Variants in RNF157 observed in about 807,000 individuals in gnomAD.
RNF157 encodes ring finger protein 157, also known as E3 ubiquitin ligase RNF157.
A neutral mutation model predicts 88.3 loss-of-function variants in RNF157; 55 were observed. The ratio of observed to expected loss-of-function variants is 0.62; its 90% CI spans 0.50 to 0.78. The LOEUF (loss-of-function observed/expected upper bound fraction) is 0.78, where lower values mean the gene tolerates loss of function less well. Ranked by LOEUF, RNF157 falls within the 30% of genes least tolerant of loss-of-function variation. RNF157 has a pLI of 0.00. For missense variants in RNF157, 788 were observed against 860.8 expected (o/e 0.92, Z 1.06); for synonymous variants, 334 against 341.2 (o/e 0.98, Z 0.23).
intron 18 of RNF157, among the ~76,000 whole-genome samples, chr17:76,152,002 G>A (rs2144801674): frequency 6.6e-6 from 1 of 152,262 alleles, no homozygotes; most frequent in East Asian, 1.9e-4. Flanking sequence ...TCGTAGAGAG[G>A]TGGTGTCTGT....
chr17:76,149,485 T>C (rs1026709395), intron 18 of RNF157, among the ~76,000 whole-genome samples: 2 of 151,930 alleles, frequency 1.3e-5, no homozygotes, highest in Non-Finnish European at 1.5e-5. Flanking sequence ...AGCCCCAGGA[T>C]AGAAAGCTGA....
intron 2 of RNF157, among the ~76,000 whole-genome samples, chr17:76,180,422 C>T (rs1405456798): frequency 6.6e-6 from 1 of 152,110 alleles, no homozygotes; most frequent in Non-Finnish European, 1.5e-5. Flanking sequence ...AAGAAAGCCC[C>T]TTTCATGGGG....
chr17:76,214,343 A>G (rs1439534153), intron 1 of RNF157, among the ~76,000 whole-genome samples: 1 of 152,122 alleles, frequency 6.6e-6, no homozygotes, highest in Non-Finnish European at 1.5e-5. Context: ...GTGAGTGTAT[A>G]GGAGAAACTG....
chr17:76,184,915 C>T (rs1224768074), intron 2 of RNF157, among the ~76,000 whole-genome samples: 2 of 152,200 alleles, frequency 1.3e-5, no homozygotes. Flanking sequence ...ATATGACCTC[C>T]CACCTAATGT....
chr17:76,162,346 T>C (rs1389919067), intron 9 of RNF157, among the ~76,000 whole-genome samples: 2 of 152,146 alleles, frequency 1.3e-5, no homozygotes, highest in Non-Finnish European at 2.9e-5. Context: ...TGGACAGAGC[T>C]CTGTGGCAGA....
At chr17:76,210,600 A>AAAAAAAG (rs1224768781) in intron 2 of RNF157, among the ~76,000 whole-genome samples, 1 of 150,348 alleles carries the variant, frequency 6.7e-6, no homozygotes. Flanking sequence ...AAAAAAAAAA[A>AAAAAAAG]AAAAGAAAGA....
chr17:76,150,509 T>A (rs2068658387), intron 18 of RNF157, among the ~76,000 whole-genome samples: 1 of 151,992 alleles, frequency 6.6e-6, no homozygotes, highest in Non-Finnish European at 1.5e-5. Context: ...GCCAAAAAAA[T>A]AGGGGTGGGT....
chr17:76,238,531 T>C (rs1474889529), intron 1 of RNF157, among the ~76,000 whole-genome samples: 3 of 152,236 alleles, frequency 2.0e-5, no homozygotes, highest in Non-Finnish European at 4.4e-5. Flanking sequence ...ACAAATATGC[T>C]TTGGGGAACA....
chr17:76,240,025 G>T lies in RNF157; in HGVS notation c.88+128C>A. 2.6e-6 allele frequency: 1 copy of T among 381,960 alleles called. No individual in the cohort carries two copies. Among genetic ancestry groups the T allele is most frequent in the Non-Finnish European group, 4.2e-6 (1 of 237,476 alleles). The allele number at this position is 381,960 out of a possible 1,614,324, so 23.7% of individuals were successfully genotyped here. On this transcript the variant is annotated intron_variant, in intron 1 of 18. Transcript: ENST00000269391. The surrounding 1 kb of genome is among the most constrained non-coding windows in gnomAD (Gnocchi z 4.4). The stretch of plus-strand genomic sequence containing the variant: ...TTCTCGAAGACCTCCCGCGCTCGAA[G>T]ACCGTTTCGGAGCGTCCGCAACCAC...
At chr17:76,199,059 T>C (rs1172339107) in intron 2 of RNF157, among the ~76,000 whole-genome samples, 2 of 152,182 alleles carry the variant, frequency 1.3e-5, no homozygotes, top group Non-Finnish European at 2.9e-5. Flanking sequence ...TGGAGAACAA[T>C]GGGTATTCCA....
At chr17:76,211,169 T>C (rs1048515966) in intron 2 of RNF157, among the ~76,000 whole-genome samples, 2 of 152,216 alleles carry the variant, frequency 1.3e-5, no homozygotes, top group Non-Finnish European at 2.9e-5. Context: ...CCATGCTCAT[T>C]TCAGCTCTGT....
intron 1 of RNF157, among the ~76,000 whole-genome samples, chr17:76,217,208 C>G (rs553326208): frequency 6.6e-6 from 1 of 152,044 alleles, no homozygotes; most frequent in Non-Finnish European, 1.5e-5. Flanking sequence ...TGGAGTTTCA[C>G]CATGTTGGCC....
chr17:76,232,077 T>C (rs534378383), intron 1 of RNF157, among the ~76,000 whole-genome samples: 42 of 152,292 alleles, frequency 2.8e-4, no homozygotes, highest in African/African-American at 8.9e-4. Context: ...TATCAGTAGT[T>C]TATCCCTTTA....
At chr17:76,221,866 CA>C (rs1265115624) in intron 1 of RNF157, among the ~76,000 whole-genome samples, 2 of 152,162 alleles carry the variant, frequency 1.3e-5, no homozygotes, top group African/African-American at 2.4e-5. Flanking sequence ...ATACATGCTA[CA>C]ACATGAATGA....
chr17:76,175,566 G>A (rs1003874744), intron 2 of RNF157, among the ~76,000 whole-genome samples: 15 of 152,018 alleles, frequency 9.9e-5, no homozygotes, highest in African/African-American at 3.4e-4. Flanking sequence ...TCATACTAAA[G>A]GAATTTAAAA....
Position 76,173,728 on chromosome 17 carries a change from G to A in RNF157, c.270C>T (p.Ile90=). The A allele has an allele frequency of 6.2e-7, 1 of 1,610,352 alleles. No homozygotes were observed. ...TGACGAGCCTCAGTGTGTCCTTTCG[G>A]ATATTGACCAGGCTTCTCAGAGTCT... is the stretch of plus-strand genomic sequence containing the variant. The part of the protein sequence containing the change: ...PVKTLRSLVN[I]RKDTLRLVKC... The change falls in exon 3 of 19, where the codon ATC becomes ATT. Residue 90 remains isoleucine (I), a synonymous_variant. Transcript: ENST00000269391.
chr17:76,232,477 T>C (rs1043268046), intron 1 of RNF157, among the ~76,000 whole-genome samples: 3 of 152,212 alleles, frequency 2.0e-5, no homozygotes, highest in Non-Finnish European at 4.4e-5. Flanking sequence ...AACAATGGAT[T>C]TTGTTTATCC....
At chr17:76,208,398 CTGTG>C (rs2069718797) in intron 2 of RNF157, among the ~76,000 whole-genome samples, 2 of 152,202 alleles carry the variant, frequency 1.3e-5, no homozygotes, top group South Asian at 4.1e-4. Context: ...CCCTTACAGG[CTGTG>C]CAGTCTTTAA....
At position 76,146,284 on chromosome 17, in the gene RNF157, C is replaced by T. The variant is rs1381002135; in HGVS notation, c.1922-931G>A. ...TTTCTCACCCATCAGATGGGACATG[C>T]GTACTGACCTCACGGGCTTGCTGTG... On this transcript the variant is annotated intron_variant, in intron 18 of 18. Transcript: ENST00000269391. This position sits in a 1 kb window ranked among gnomAD's most constrained non-coding sequence, Gnocchi z 4.2. The T allele has an allele frequency of 2.9e-5, 27 of 925,084 alleles. No individual in the cohort carries two copies. The highest frequency in any genetic ancestry group is 3.4e-5 in the Non-Finnish European group (26 of 774,954). The allele number at this position is 925,084 out of a possible 1,614,324, so 57.3% of individuals were successfully genotyped here. A position where few individuals can be genotyped will look rare whatever the true frequency, so the allele number is the denominator to read the frequency against.
Sources: gnomAD v4.1 joint callset for allele counts (sites outside exome capture counted in the v4.1 genomes callset) on GRCh38, gnomAD v4.1.1 for gene constraint, Gnocchi (gnomAD v3.1) non-coding constraint, MANE v1.5 for transcripts, NCBI Gene and HGNC (gene_info 2026-07-23, HGNC 2026-07-21) for gene names.